The following GTPBP10 variants were observed in gnomAD, a reference collection of about 807,000 sequenced individuals.
GTPBP10 encodes the protein GTP binding protein 10.
Under a neutral mutation model 44.8 loss-of-function variants are expected in GTPBP10, and 38 were observed. The observed-to-expected ratio is 0.85, with a 90% CI of 0.65 to 1.11. The LOEUF (loss-of-function observed/expected upper bound fraction) is 1.11. Ranked by LOEUF, GTPBP10 falls within the 50% of genes most tolerant of loss-of-function variation. The pLI is 0.00. For missense variants in GTPBP10, 462 were observed against 453.7 expected (o/e 1.02, Z -0.17); for synonymous variants, 152 against 150.6 (o/e 1.01, Z -0.07).
rs1796542491 is a variant in GTPBP10, at chr7:90,387,380, A to G, written c.*2226A>G. 6.6e-6 allele frequency: 1 copy of G among 152,120 alleles called. No homozygotes were observed. The highest frequency in any genetic ancestry group is 2.4e-5 in the African/African-American group (1 of 41,426). The allele number at this position is 152,120 out of a possible 1,614,324, so 9.4% of individuals were successfully genotyped here. ...CTTCAAAAAATTATTCTTCAATGCT[A>G]TTTTTAAATTACTAGAAATTATTTT... On this transcript the variant is annotated 3_prime_UTR_variant, in exon 10 of 10. Transcript: ENST00000222511.
intron 4 of GTPBP10, 30 bp from the exon 5 acceptor site, chr7:90,372,125 T>G: frequency 1.5e-6 from 2 of 1,350,966 alleles, no homozygotes; most frequent in Non-Finnish European, 1.1e-6. Context: ...AATATTGACA[T>G]TTGTGTATAA....
chr7:90,380,067 C>A (rs1796407167), intron 8 of GTPBP10, among the ~76,000 whole-genome samples: 2 of 148,976 alleles, frequency 1.3e-5, no homozygotes, highest in Non-Finnish European at 3.0e-5. Flanking sequence ...GGAAATAAGT[C>A]CCTTCTCTTT....
Position 90,389,237 on chromosome 7 carries a change from C to T in GTPBP10, c.*4083C>T, listed in dbSNP as rs1328831994. On this transcript the variant is annotated 3_prime_UTR_variant, in exon 10 of 10. Transcript: ENST00000222511. ...ATCATATCTAAAGTGGTAATGTTAC[C>T]ATATGCTGGGTACTGGGCTGAGTAA... is the stretch of plus-strand genomic sequence containing the variant. 1 of 152,134 alleles carries T rather than the reference C, an allele frequency of 6.6e-6. No individual in the cohort carries two copies. The highest frequency in any genetic ancestry group is 1.9e-4 in the East Asian group (1 of 5,200). The allele number at this position is 152,134 out of a possible 1,614,324, so 9.4% of individuals were successfully genotyped here.
chr7:90,348,845 C>T (rs903767580), intron 1 of GTPBP10, among the ~76,000 whole-genome samples: 10 of 152,166 alleles, frequency 6.6e-5, no homozygotes, highest in Non-Finnish European at 1.5e-5. Flanking sequence ...CAAAAGCAGT[C>T]CTGAACAATA....
chr7:90,352,652 A>G (rs995647190), intron 1 of GTPBP10, among the ~76,000 whole-genome samples, 164 bp from the exon 2 acceptor site: 3 of 152,266 alleles, frequency 2.0e-5, no homozygotes, highest in Non-Finnish European at 2.9e-5. Flanking sequence ...AAAGGGGGTC[A>G]GATCGGAGAT....
Position 90,383,073 on chromosome 7 carries a change from C to G in GTPBP10, c.895C>G (p.Pro299Ala). ...TGAATTGATGAGCCAGCTCCAGAATCCTAAAGGTAAACCTATTTATTCATT... is the reference window on the plus strand; with the variant it reads ...TGAATTGATGAGCCAGCTCCAGAATGCTAAAGGTAAACCTATTTATTCATT... ...FHELMSQLQN[P>A]KDFLHLFEKN... The change falls in exon 9 of 10, where the codon CCT becomes GCT. Residue 299 changes from proline to alanine, a missense_variant. By Grantham distance (27) the Pro-to-Ala change is conservative (BLOSUM62 -1). Coordinates refer to ENST00000222511, the MANE Select transcript of GTPBP10 (RefSeq NM_033107.4). The G allele has an allele frequency of 1.3e-6, 2 of 1,562,108 alleles. No individual in the cohort carries two copies. Among genetic ancestry groups the G allele is most frequent in the Non-Finnish European group, 1.7e-6 (2 of 1,149,818 alleles).
chr7:90,377,696 AAG>A lies in GTPBP10; in HGVS notation c.699+84_699+85del. ...GTTTTTCTAGAATTTTTTTATAAAT[AAG>A]AAAGTGGTAGCATATGTTACTCCAC... On this transcript the variant is annotated intron_variant, in intron 7 of 9. Coordinates refer to ENST00000222511, the MANE Select transcript of GTPBP10 (RefSeq NM_033107.4). 3 of 898,222 alleles carry A rather than the reference AAG, an allele frequency of 3.3e-6. No individual in the cohort carries two copies. In the South Asian group the frequency reaches 5.7e-5, roughly 17 times the overall value. 55.6% of individuals were successfully genotyped at this position (898,222 alleles called of 1,614,324 possible).
rs774698505 is a variant in GTPBP10 at position 90,374,362 on chromosome 7, T to A, written c.591+8T>A. The A allele has an allele frequency of 6.4e-7, 1 of 1,557,586 alleles. No homozygotes were observed. Among genetic ancestry groups the A allele is most frequent in the South Asian group, 1.1e-5 (1 of 89,490 alleles). On this transcript the variant is annotated splice_region_variant and intron_variant, in intron 6 of 9. Coordinates refer to ENST00000222511, the MANE Select transcript of GTPBP10 (RefSeq NM_033107.4). ...TACAGTGATTTCAAACAGGTAGGTA[T>A]TTTTAAAGTAAAACACTATATTAGA... is the stretch of plus-strand genomic sequence containing the variant.
intron 1 of GTPBP10, among the ~76,000 whole-genome samples, chr7:90,351,943 A>G (rs192693521): frequency 2.9e-3 from 446 of 152,220 alleles, no homozygotes; most frequent in African/African-American, 0.01. Flanking sequence ...TGATCCGCCC[A>G]CCTTGGCCTC....
chr7:90,379,871 G>A (rs1796404454), intron 8 of GTPBP10, among the ~76,000 whole-genome samples: 1 of 152,130 alleles, frequency 6.6e-6, no homozygotes, highest in Admixed American at 6.5e-5. Flanking sequence ...CCTAGTGGGA[G>A]TGCAGTGGTA....
At chr7:90,377,638 G>T in intron 7 of GTPBP10, 24 bp downstream of exon 7, 1 of 1,390,290 alleles carries the variant, frequency 7.2e-7, no homozygotes, top group South Asian at 1.4e-5. Context: ...ATACTAATGT[G>T]ATATTCAAAT....
chr7:90,389,389 T>A lies in GTPBP10; in HGVS notation c.*4235T>A, dbSNP rs1796577502. ...TTTTGGGAGCCTAAAAAATTTGAAT[T>A]TTTTTTTTTCCCCCCCCAGACGGAG... On this transcript the variant is annotated 3_prime_UTR_variant, in exon 10 of 10. Coordinates refer to ENST00000222511, the MANE Select transcript of GTPBP10 (RefSeq NM_033107.4). 7.9e-6 allele frequency: 1 copy of A among 125,864 alleles called. No individual in the cohort carries two copies. The highest frequency in any genetic ancestry group is 2.8e-5 in the African/African-American group (1 of 36,292). The allele number at this position is 125,864 out of a possible 1,614,324, so 7.8% of individuals were successfully genotyped here.
intron 6 of GTPBP10, among the ~76,000 whole-genome samples, chr7:90,374,573 A>G (rs1458527214): frequency 1.3e-5 from 2 of 152,150 alleles, no homozygotes; most frequent in Non-Finnish European, 2.9e-5. Context: ...TATCCCTACA[A>G]CATTATGTCT....
Position 90,367,427 on chromosome 7 carries a change from A to G in GTPBP10, c.465-4728A>G, listed in dbSNP as rs181513909. Among the ~76,000 whole-genome samples, 294 of 152,252 alleles carry G rather than the reference A, an allele frequency of 1.9e-3. 2 individuals are homozygous for G. Among genetic ancestry groups the G allele is most frequent in the East Asian group, 5.6e-3 (29 of 5,182 alleles). On this transcript the variant is annotated intron_variant, in intron 4 of 9. Coordinates refer to ENST00000222511, the MANE Select transcript of GTPBP10 (RefSeq NM_033107.4). ...TGTGTGGGAGTCTAAGTCTCTTTGT[A>G]GCTCTCTAAGGACTTGCTTTATGAA...
chr7:90,357,382 G>A (rs991443437), intron 4 of GTPBP10, among the ~76,000 whole-genome samples: 3 of 152,102 alleles, frequency 2.0e-5, no homozygotes, highest in Non-Finnish European at 4.4e-5. Flanking sequence ...CTTTTCAAAA[G>A]CTATAAGAAC....
At chr7:90,351,312 G>T (rs895139605) in intron 1 of GTPBP10, among the ~76,000 whole-genome samples, 4 of 152,182 alleles carry the variant, frequency 2.6e-5, no homozygotes, top group Non-Finnish European at 5.9e-5. Context: ...AGGTGCAGTA[G>T]CTCATGCCTG....
intron 4 of GTPBP10, among the ~76,000 whole-genome samples, chr7:90,367,807 A>T (rs1325888913): frequency 6.6e-6 from 1 of 152,166 alleles, no homozygotes; most frequent in African/African-American, 2.4e-5. Flanking sequence ...TTATGTGTAA[A>T]TTTGATCCTG....
rs146918514 is a variant in GTPBP10, at chr7:90,387,983, C to G, written c.*2829C>G. The G allele has an allele frequency of 4.6e-5, 7 of 152,228 alleles. 1 individual carries two copies. The East Asian group carries it at 1.4e-3, about 29-fold the overall frequency. The allele number at this position is 152,228 out of a possible 1,614,324, so 9.4% of individuals were successfully genotyped here. A position where few individuals can be genotyped will look rare whatever the true frequency, so the allele number is the denominator to read the frequency against. ...GTACTGACACCATAATCTCATTTTG[C>G]ACTGTGGCAAAGGGTAGTAGATGTG... On this transcript the variant is annotated 3_prime_UTR_variant, in exon 10 of 10. Transcript: ENST00000222511.
chr7:90,381,264 G>A (rs1260343296), intron 8 of GTPBP10, among the ~76,000 whole-genome samples: 1 of 152,176 alleles, frequency 6.6e-6, no homozygotes, highest in Non-Finnish European at 1.5e-5. Flanking sequence ...GTGTTCAAGA[G>A]TTCCTCTTTC....
Sources: gnomAD v4.1 joint callset for allele counts (sites outside exome capture counted in the v4.1 genomes callset) on GRCh38, gnomAD v4.1.1 for gene constraint, MANE v1.5 for transcripts, NCBI Gene and HGNC (gene_info 2026-07-23, HGNC 2026-07-21) for gene names.